The following SLC39A10 variants were observed in gnomAD, a reference collection of about 807,000 sequenced individuals.
The protein encoded by SLC39A10 is zinc transporter ZIP10.
In SLC39A10, 13 loss-of-function variants were observed where a neutral mutation model predicts 65.1. The ratio of observed to expected loss-of-function variants is 0.20; its 90% CI spans 0.13 to 0.32. The LOEUF (loss-of-function observed/expected upper bound fraction) is 0.32. SLC39A10 is among the 10% of genes least tolerant of loss of function. The probability of loss-of-function intolerance (pLI) is 1.00; values close to 1 mark genes in which losing one functional copy is unlikely to be tolerated. For synonymous variants in SLC39A10, 321 were observed against 342.2 expected, an observed-to-expected ratio of 0.94 and a Z score of 0.68; for missense variants, 831 against 1,018.4, an observed-to-expected ratio of 0.82 and a Z score of 2.50.
chr2:195,631,987 C>T (rs573243465), intron 2 of SLC39A10, among the ~76,000 whole-genome samples: 2 of 152,214 alleles, frequency 1.3e-5, no homozygotes, highest in South Asian at 2.1e-4. Context: ...CTCCTGGGCT[C>T]AAGCAATCCT....
upstream of SLC39A10, among the ~76,000 whole-genome samples, chr2:195,652,546 TTA>T (rs1491457672): frequency 4.2e-5 from 6 of 142,104 alleles, no homozygotes; most frequent in African/African-American, 1.7e-4. Context: ...GAGACTCATC[TTA>T]AAAAAAAAAA....
intron 2 of SLC39A10, among the ~76,000 whole-genome samples, chr2:195,624,650 G>GGATC (rs1355287512): frequency 4.6e-5 from 7 of 151,324 alleles, no homozygotes; most frequent in South Asian, 2.1e-4. Context: ...CGAGGCGGGT[G>GGATC]GATCACCTGA....
chr2:195,617,699 T>C (rs1035649074), intron 2 of SLC39A10, among the ~76,000 whole-genome samples: 11 of 80,474 alleles, frequency 1.4e-4, no homozygotes, highest in African/African-American at 4.2e-4. Context: ...AGTGAGACCT[T>C]GTTTCTTTTC....
At chr2:195,706,415 T>C (rs1185732292) in intron 3 of SLC39A10, among the ~76,000 whole-genome samples, 2 of 151,214 alleles carry the variant, frequency 1.3e-5, no homozygotes, top group African/African-American at 4.9e-5. Flanking sequence ...TTGATCTGAG[T>C]GTCTTAATTC....
rs2105841543 is a variant in SLC39A10 at position 195,725,924 on chromosome 2, G to A, written c.2147-2235G>A. 2.6e-5 allele frequency among the ~76,000 whole-genome samples: 4 copies of A among 152,294 alleles called. No individual in the cohort carries two copies. In the Middle Eastern group the frequency reaches 0.014, roughly 518 times the overall value. On this transcript the variant is annotated intron_variant, in intron 8 of 9. Coordinates refer to ENST00000359634, the MANE Select transcript of SLC39A10 (RefSeq NM_020342.3). ...GGCAAAATTACAGGAACAGAAAGCA[G>A]ATTGTTGGTTGCCTAAGGGCAAGTG...
chr2:195,699,486 G>C (rs1445046472), intron 3 of SLC39A10, among the ~76,000 whole-genome samples: 2 of 151,636 alleles, frequency 1.3e-5, no homozygotes, highest in Admixed American at 6.6e-5. Flanking sequence ...TTGTAGTTTT[G>C]TTTTCATTTG....
intron 9 of SLC39A10, 24 bp from the exon 10 acceptor site, chr2:195,734,859 T>C: frequency 6.3e-7 from 1 of 1,582,158 alleles, no homozygotes. Flanking sequence ...ATACAAAGTT[T>C]AATGTGAAGA....
chr2:195,728,141 A>T lies in SLC39A10; in HGVS notation c.2147-18A>T. On this transcript the variant is annotated intron_variant, in intron 8 of 9. Transcript: ENST00000359634. The surrounding 1 kb of genome is among the most constrained non-coding windows in gnomAD (Gnocchi z 4.4). ...AATCCTGTGGTTTTAAAACATTCCCATTGTTTCTTAATTGCAGGAGATTTT... is the reference window on the plus strand; with the variant it reads ...AATCCTGTGGTTTTAAAACATTCCCTTTGTTTCTTAATTGCAGGAGATTTT... 1.9e-6 allele frequency: 3 copies of T among 1,594,892 alleles called. No homozygotes were observed.
intron 3 of SLC39A10, among the ~76,000 whole-genome samples, chr2:195,686,473 C>T (rs762721484): frequency 3.9e-5 from 6 of 152,162 alleles, no homozygotes; most frequent in Non-Finnish European, 7.3e-5. Flanking sequence ...TTGCTTGAAC[C>T]TGAGAGGCAG....
intron 2 of SLC39A10, among the ~76,000 whole-genome samples, chr2:195,649,979 G>GA (rs968107194): frequency 2.6e-5 from 4 of 152,016 alleles, no homozygotes; most frequent in Admixed American, 2.0e-4. Flanking sequence ...TTCCTCTTTA[G>GA]AAAAAACCTA....
chr2:195,643,840 C>T (rs956725040), intron 2 of SLC39A10, among the ~76,000 whole-genome samples: 3 of 152,228 alleles, frequency 2.0e-5, no homozygotes, highest in Admixed American at 6.5e-5. Context: ...TTCATTGTTA[C>T]AGTAGTTTTG....
chr2:195,667,545 C>T (rs1031991482), intron 1 of SLC39A10, among the ~76,000 whole-genome samples: 7 of 152,256 alleles, frequency 4.6e-5, no homozygotes, highest in African/African-American at 1.7e-4. Flanking sequence ...AAAAGAGTCA[C>T]AACAGAGAGA....
At chr2:195,655,319 T>G (rs1327557675), upstream of SLC39A10, among the ~76,000 whole-genome samples, 3 of 152,178 alleles carry the variant, frequency 2.0e-5, no homozygotes, top group Non-Finnish European at 4.4e-5. Flanking sequence ...CGTACTTGTG[T>G]GTACCAGCTG....
chr2:195,700,575 C>G (rs1691138723), intron 3 of SLC39A10, among the ~76,000 whole-genome samples: 1 of 152,176 alleles, frequency 6.6e-6, no homozygotes. Flanking sequence ...CCTTGAAGGA[C>G]TCTCTTATTT....
intron 2 of SLC39A10, among the ~76,000 whole-genome samples, chr2:195,644,887 CTACTTTATTTATTTA>C (rs1688880770): frequency 2.2e-5 from 2 of 91,678 alleles, no homozygotes; most frequent in Non-Finnish European, 2.5e-5. Context: ...ACCAATCTAA[CTACTTTATTTATTTA>C]TTTATTTATT....
At chr2:195,656,107 T>C (rs1031602168), upstream of SLC39A10, among the ~76,000 whole-genome samples, 6 of 152,152 alleles carry the variant, frequency 3.9e-5, no homozygotes, top group African/African-American at 1.2e-4. Flanking sequence ...TTACTGCTGT[T>C]CATGGTTTTA....
At chr2:195,699,981 T>C (rs1691114018) in intron 3 of SLC39A10, among the ~76,000 whole-genome samples, 1 of 152,188 alleles carries the variant, frequency 6.6e-6, no homozygotes, top group Non-Finnish European at 1.5e-5. Flanking sequence ...CTGTCCTTCC[T>C]TGTTTCTTGT....
rs1692658670 is a variant in SLC39A10 at position 195,737,209 on chromosome 2, C to CAA, written c.*2169_*2170dup. 1 of 152,614 alleles carries CAA rather than the reference C, an allele frequency of 6.6e-6. No individual in the cohort carries two copies. The highest frequency in any genetic ancestry group is 1.5e-5 in the Non-Finnish European group (1 of 68,036). The allele number at this position is 152,614 out of a possible 1,614,324, so 9.5% of individuals were successfully genotyped here. ...TCCACATCATTCTAATGTATAGTTTCAAGTCTTAATAGACAATCTGAATTC... is the reference window on the plus strand; with the variant it reads ...TCCACATCATTCTAATGTATAGTTTCAAAAGTCTTAATAGACAATCTGAATTC... On this transcript the variant is annotated 3_prime_UTR_variant, in exon 10 of 10. Transcript: ENST00000359634.
intron 5 of SLC39A10, among the ~76,000 whole-genome samples, chr2:195,712,152 T>C (rs1691621806): frequency 6.6e-6 from 1 of 152,274 alleles, no homozygotes; most frequent in East Asian, 1.9e-4. Flanking sequence ...CCTGTCTGCA[T>C]CTTAATGCTT....
Sources: gnomAD v4.1 joint callset for allele counts (sites outside exome capture counted in the v4.1 genomes callset) on GRCh38, gnomAD v4.1.1 for gene constraint, Gnocchi (gnomAD v3.1) non-coding constraint, MANE v1.5 for transcripts, NCBI Gene and HGNC (gene_info 2026-07-23, HGNC 2026-07-21) for gene names.